Variants in PRKAR1A observed in about 807,000 individuals in gnomAD.
The protein encoded by PRKAR1A is cAMP-dependent protein kinase type I-alpha regulatory subunit.
A neutral mutation model predicts 52.0 loss-of-function variants in PRKAR1A; 3 were observed. The ratio of observed to expected loss-of-function variants is 0.06; its 90% CI spans 0.03 to 0.15. PRKAR1A has a LOEUF of 0.15. PRKAR1A is among the 10% of genes least tolerant of loss of function. The pLI is 1.00. For missense variants in PRKAR1A, 240 were observed against 477.4 expected (o/e 0.50, Z 4.63); for synonymous variants, 188 against 168.4 (o/e 1.12, Z -0.90).
the PRKAR1A span, among the ~76,000 whole-genome samples, chr17:68,472,869 C>T: frequency 1.3e-5 from 2 of 151,910 alleles, no homozygotes; most frequent in East Asian, 1.9e-4. Flanking sequence ...CACTTCAACC[C>T]GGGAGGCGGA....
At chr17:68,457,468 C>T in the PRKAR1A span, 2 of 1,380,132 alleles carry the variant, frequency 1.4e-6, no homozygotes, top group Non-Finnish European at 1.9e-6. Flanking sequence ...GCGACAGCCA[C>T]CTCAGCAGCC....
At chr17:68,479,223 A>G in the PRKAR1A span, among the ~76,000 whole-genome samples, 3 of 151,898 alleles carry the variant, frequency 2.0e-5, no homozygotes, top group African/African-American at 7.2e-5. Context: ...CAGTCTTAAT[A>G]TTTTCTTTTG....
rs566002296 is a variant in PRKAR1A, at chr17:68,528,734, G to T, written c.770-136G>T. On this transcript the variant is annotated intron_variant, in intron 8 of 10. Transcript: ENST00000589228. ...TCAGACTAGAGGTAATTGAAGACAG[G>T]TACCACTTTTAATCTGAGACACTAC... is the stretch of plus-strand genomic sequence containing the variant. The T allele has an allele frequency of 5.8e-5, 68 of 1,164,770 alleles. No homozygotes were observed. The South Asian group carries it at 8.2e-4, about 14-fold the overall frequency. The allele number at this position is 1,164,770 out of a possible 1,614,324, so 72.2% of individuals were successfully genotyped here.
chr17:68,525,135 G>C, intron 6 of PRKAR1A, among the ~76,000 whole-genome samples, 177 bp downstream of exon 6: 1 of 151,984 alleles, frequency 6.6e-6, no homozygotes, highest in Non-Finnish European at 1.5e-5. Flanking sequence ...GTAATTTTCT[G>C]TTCAGAACTT....
chr17:68,479,438 T>C, the PRKAR1A span, among the ~76,000 whole-genome samples: 1 of 152,196 alleles, frequency 6.6e-6, no homozygotes, highest in Non-Finnish European at 1.5e-5. Flanking sequence ...GGAACTGGCA[T>C]GTTTTCCGAT....
At chr17:68,456,148 T>C in the PRKAR1A span, among the ~76,000 whole-genome samples, 1 of 152,252 alleles carries the variant, frequency 6.6e-6, no homozygotes, top group Admixed American at 6.5e-5. Flanking sequence ...GTATTGTGGA[T>C]TGTGGTCAAG....
the PRKAR1A span, chr17:68,448,173 T>G: frequency 1.3e-5 from 2 of 152,082 alleles, no homozygotes; most frequent in African/African-American, 4.8e-5. Context: ...TTCCCCAGAG[T>G]GGGCAGTCCT....
the PRKAR1A span, chr17:68,421,994 G>A: frequency 7.2e-6 from 5 of 694,828 alleles, no homozygotes; most frequent in South Asian, 6.5e-5. Flanking sequence ...TTATTTAGGT[G>A]TAGACAAGTA....
At chr17:68,486,258 A>G in the PRKAR1A span, among the ~76,000 whole-genome samples, 1 of 151,948 alleles carries the variant, frequency 6.6e-6, no homozygotes, top group African/African-American at 2.4e-5. Flanking sequence ...ATGGCTTTGC[A>G]GGAAACTGTT....
At chr17:68,476,894 T>C in the PRKAR1A span, among the ~76,000 whole-genome samples, 1 of 152,156 alleles carries the variant, frequency 6.6e-6, no homozygotes, top group South Asian at 2.1e-4. Flanking sequence ...TCTCTTGATC[T>C]TGTGATCCGC....
the PRKAR1A span, among the ~76,000 whole-genome samples, chr17:68,486,249 T>A: frequency 6.6e-6 from 1 of 152,046 alleles, no homozygotes; most frequent in Admixed American, 6.5e-5. Flanking sequence ...GACATATACA[T>A]GGCTTTGCAG....
downstream of PRKAR1A, chr17:68,533,488 G>A: frequency 2.1e-6 from 2 of 934,662 alleles, no homozygotes; most frequent in Non-Finnish European, 1.3e-6. Context: ...AGTGGCCCAA[G>A]TAGACTCTTT....
the PRKAR1A span, among the ~76,000 whole-genome samples, chr17:68,486,037 C>A: frequency 2.6e-5 from 4 of 152,132 alleles, no homozygotes; most frequent in African/African-American, 9.7e-5. Flanking sequence ...TCGTGCCCAG[C>A]CTAAGTTTCA....
rs765675434 is a variant in PRKAR1A, at chr17:68,524,053, G to T, written c.478G>T (p.Ala160Ser). The T allele has an allele frequency of 6.2e-7, 1 of 1,613,946 alleles. No individual in the cohort carries two copies. The highest frequency in any genetic ancestry group is 1.1e-5 in the South Asian group (1 of 91,080). ...TGCCATGTTTTCGGTCTCCTTTATC[G>T]CAGGAGAGACTGTGATTCAGCAAGG... ...FDAMFSVSFI[A>S]GETVIQQGDE... The change falls in exon 5 of 11, where the codon GCA becomes TCA. Residue 160 changes from alanine (A) to serine (S), a missense_variant. By Grantham distance (99) the Ala-to-Ser change is moderately conservative (BLOSUM62 1). Transcript: ENST00000589228.
At chr17:68,473,501 A>G in the PRKAR1A span, among the ~76,000 whole-genome samples, 2 of 152,134 alleles carry the variant, frequency 1.3e-5, no homozygotes, top group Non-Finnish European at 2.9e-5. Context: ...TGGTAAATCA[A>G]TTGACCTATT....
At chr17:68,485,526 A>C in the PRKAR1A span, among the ~76,000 whole-genome samples, 13 of 151,660 alleles carry the variant, frequency 8.6e-5, no homozygotes, top group South Asian at 2.1e-4. Flanking sequence ...GACCTTTGAA[A>C]CTCTTCTGCT....
At chr17:68,471,991 C>T in the PRKAR1A span, among the ~76,000 whole-genome samples, 15 of 152,184 alleles carry the variant, frequency 9.9e-5, no homozygotes, top group Admixed American at 2.0e-4. Flanking sequence ...TTAGTAGAGA[C>T]GGGGGTTTTA....
chr17:68,499,448 G>T, the PRKAR1A span, among the ~76,000 whole-genome samples: 2 of 151,770 alleles, frequency 1.3e-5, no homozygotes, highest in Admixed American at 6.6e-5. Flanking sequence ...AACAAGGGAT[G>T]AGAAAATATT....
the PRKAR1A span, among the ~76,000 whole-genome samples, chr17:68,497,011 A>T: frequency 6.6e-6 from 1 of 151,664 alleles, no homozygotes; most frequent in East Asian, 1.9e-4. Flanking sequence ...TTTTGTGGAG[A>T]CAGGGTTTTG....
Sources: allele counts gnomAD v4.1 joint callset (sites outside exome capture counted in the v4.1 genomes callset), GRCh38; gene constraint gnomAD v4.1.1; transcripts MANE v1.5; gene names NCBI Gene and HGNC (gene_info 2026-07-23, HGNC 2026-07-21).